Variants in PPM1H observed in about 807,000 individuals in gnomAD.
PPM1H encodes the protein protein phosphatase, Mg2+/Mn2+ dependent 1H, also known as protein phosphatase 1H.
In PPM1H, 27 loss-of-function variants were observed where a neutral mutation model predicts 54.9. That is an observed-to-expected ratio of 0.49 (90% CI 0.36 to 0.68). The LOEUF (loss-of-function observed/expected upper bound fraction) is 0.68. Ranked by LOEUF, PPM1H falls within the 30% of genes least tolerant of loss-of-function variation. The pLI, the probability that PPM1H is intolerant of heterozygous loss-of-function variation, is 0.00. For missense variants in PPM1H, 596 were observed against 667.8 expected (o/e 0.89, Z 1.19); for synonymous variants, 305 against 270.8 (o/e 1.13, Z -1.24).
intron 1 of PPM1H, among the ~76,000 whole-genome samples, chr12:62,877,000 T>C (rs1301206004): frequency 2.0e-5 from 3 of 152,206 alleles, no homozygotes; most frequent in African/African-American, 7.2e-5. Context: ...CAAGTTTCAG[T>C]TCTTTCTGCC....
chr12:62,664,861 A>C (rs547132612), intron 9 of PPM1H, among the ~76,000 whole-genome samples: 66 of 152,168 alleles, frequency 4.3e-4, no homozygotes, highest in Admixed American at 2.1e-3. Context: ...TGTTATTGAT[A>C]GTTTTGCTAC....
chr12:62,835,321 T>C (rs1868470468), intron 1 of PPM1H, among the ~76,000 whole-genome samples: 1 of 152,214 alleles, frequency 6.6e-6, no homozygotes. Flanking sequence ...ATTGCATGCA[T>C]ATGAGAAAAC....
At chr12:62,932,763 T>G (rs1168588271) in intron 1 of PPM1H, among the ~76,000 whole-genome samples, 1 of 149,414 alleles carries the variant, frequency 6.7e-6, no homozygotes, top group Non-Finnish European at 1.5e-5. Flanking sequence ...GCCTCCCGAG[T>G]AGCTGGGATT....
intron 7 of PPM1H, among the ~76,000 whole-genome samples, chr12:62,693,694 G>C (rs1333107708): frequency 6.6e-6 from 1 of 152,150 alleles, no homozygotes; most frequent in East Asian, 1.9e-4. Context: ...TTGGGAAGGG[G>C]GACTTTATTT....
intron 3 of PPM1H, among the ~76,000 whole-genome samples, chr12:62,792,456 A>C (rs1268831446): frequency 6.6e-6 from 1 of 152,238 alleles, no homozygotes; most frequent in Admixed American, 6.5e-5. Flanking sequence ...TTTTTAATCC[A>C]AGAAACTTTG....
chr12:62,827,117 T>C (rs1868299766), intron 2 of PPM1H, among the ~76,000 whole-genome samples: 1 of 152,196 alleles, frequency 6.6e-6, no homozygotes, highest in African/African-American at 2.4e-5. Flanking sequence ...GGCTTGTGTG[T>C]GAGCTCCAAA....
intron 1 of PPM1H, among the ~76,000 whole-genome samples, chr12:62,918,456 A>G (rs1478097880): frequency 3.3e-5 from 5 of 152,274 alleles, no homozygotes; most frequent in Admixed American, 3.3e-4. Flanking sequence ...CTTTTTAATC[A>G]GTATGTCCAG....
intron 1 of PPM1H, among the ~76,000 whole-genome samples, chr12:62,840,802 G>A (rs995294669): frequency 6.6e-6 from 1 of 152,200 alleles, no homozygotes; most frequent in African/African-American, 2.4e-5. Context: ...AGAAATCTAA[G>A]ACTGTTTAAA....
chr12:62,817,161 GAAAAAA>G (rs1179706449), intron 2 of PPM1H, among the ~76,000 whole-genome samples: 1 of 75,286 alleles, frequency 1.3e-5, no homozygotes, highest in Non-Finnish European at 2.9e-5. Context: ...CTAAAAAAAA[GAAAAAA>G]AAAAAAAAAA....
chr12:62,923,200 GCCA>G (rs1871857036), intron 1 of PPM1H, among the ~76,000 whole-genome samples: 1 of 152,010 alleles, frequency 6.6e-6, no homozygotes. Flanking sequence ...ATAAATTAAG[GCCA>G]CTGCACTAAA....
chr12:62,743,895 T>A (rs570447613), intron 4 of PPM1H, among the ~76,000 whole-genome samples: 1 of 152,232 alleles, frequency 6.6e-6, no homozygotes, highest in South Asian at 2.1e-4. Flanking sequence ...AATATATAGT[T>A]TTCATAGAGT....
At chr12:62,763,077 C>T (rs775241637) in intron 4 of PPM1H, among the ~76,000 whole-genome samples, 2 of 152,256 alleles carry the variant, frequency 1.3e-5, no homozygotes, top group East Asian at 1.9e-4. Flanking sequence ...GTGATGGTCC[C>T]GAAGTCCCCA....
intron 9 of PPM1H, among the ~76,000 whole-genome samples, chr12:62,660,583 T>C (rs778011611): frequency 2.6e-5 from 4 of 152,172 alleles, no homozygotes; most frequent in South Asian, 2.1e-4. Context: ...AGAACATACA[T>C]TGGGGAAAGG....
intron 5 of PPM1H, among the ~76,000 whole-genome samples, chr12:62,734,727 T>C (rs969588912): frequency 6.6e-6 from 1 of 152,130 alleles, no homozygotes; most frequent in Non-Finnish European, 1.5e-5. Flanking sequence ...GAAACCTGAA[T>C]AGGAAATGGG....
intron 1 of PPM1H, among the ~76,000 whole-genome samples, chr12:62,916,489 T>C (rs1213724880): frequency 6.6e-6 from 1 of 152,192 alleles, no homozygotes; most frequent in African/African-American, 2.4e-5. Context: ...ATTTACTGAA[T>C]AGAATAAACT....
chr12:62,866,511 C>T (rs559414148), intron 1 of PPM1H, among the ~76,000 whole-genome samples: 1 of 152,196 alleles, frequency 6.6e-6, no homozygotes, highest in South Asian at 2.1e-4. Context: ...GGATCATTCA[C>T]CACGAGGAAG....
At chr12:62,899,388 C>T (rs1081782) in intron 1 of PPM1H, among the ~76,000 whole-genome samples, 65,740 of 151,780 alleles carry the variant, frequency 0.43, 15,882 homozygotes, top group African/African-American at 0.63. Context: ...CTAGGCAACA[C>T]AGAGAGACCC....
intron 1 of PPM1H, 122 bp from the exon 2 acceptor site, chr12:62,832,401 T>A (rs1052124310): frequency 2.3e-6 from 2 of 874,702 alleles, no homozygotes; most frequent in African/African-American, 1.7e-5. Context: ...TGCTTAATGC[T>A]AAGAACATTA....
At chr12:62,701,726 T>G (rs1363332331) in intron 6 of PPM1H, among the ~76,000 whole-genome samples, 1 of 151,914 alleles carries the variant, frequency 6.6e-6, no homozygotes, top group African/African-American at 2.4e-5. Flanking sequence ...TCCTTCTGTC[T>G]GGGCCATTCT....
Sources: gnomAD v4.1 joint callset for allele counts (sites outside exome capture counted in the v4.1 genomes callset) on GRCh38, gnomAD v4.1.1 for gene constraint, MANE v1.5 for transcripts, NCBI Gene and HGNC (gene_info 2026-07-23, HGNC 2026-07-21) for gene names.